ZNF644: variants seen among roughly 807,000 people sequenced by gnomAD.
The protein encoded by ZNF644 is zinc finger protein 644, also known as zinc finger motif enhancer binding protein 2.
Under a neutral mutation model 108.0 loss-of-function variants are expected in ZNF644, and 20 were observed. That is an observed-to-expected ratio of 0.19 (90% CI 0.13 to 0.27). The LOEUF (loss-of-function observed/expected upper bound fraction) is 0.27, where lower values mean the gene tolerates loss of function less well. ZNF644 is among the 10% of genes least tolerant of loss of function. The pLI, the probability that ZNF644 is intolerant of heterozygous loss-of-function variation, is 1.00. For missense variants in ZNF644, 1,338 were observed against 1,548.9 expected (o/e 0.86, Z 2.29); for synonymous variants, 542 against 539.1 (o/e 1.01, Z -0.08).
intron 2 of ZNF644, among the ~76,000 whole-genome samples, chr1:90,976,324 A>C (rs1656004741): frequency 6.6e-6 from 1 of 152,180 alleles, no homozygotes; most frequent in African/African-American, 2.4e-5. Flanking sequence ...CATCACTTGT[A>C]CTATAACTAG....
intron 1 of ZNF644, among the ~76,000 whole-genome samples, chr1:91,006,800 C>T (rs1356508270): frequency 3.3e-5 from 5 of 152,178 alleles, no homozygotes; most frequent in Admixed American, 6.5e-5. Flanking sequence ...TGGATCCCCC[C>T]TCTTTTTAGT....
chr1:90,923,577 A>G (rs1649708545), intron 4 of ZNF644, among the ~76,000 whole-genome samples: 1 of 152,182 alleles, frequency 6.6e-6, no homozygotes, highest in Non-Finnish European at 1.5e-5. Context: ...TATTTTCATC[A>G]ACATTTTCCC....
intron 1 of ZNF644, among the ~76,000 whole-genome samples, chr1:90,998,842 G>C (rs1205835395): frequency 6.6e-6 from 1 of 152,170 alleles, no homozygotes; most frequent in African/African-American, 2.4e-5. Context: ...CCAGTGTAGA[G>C]AAGTCCTTAC....
intron 2 of ZNF644, among the ~76,000 whole-genome samples, chr1:90,974,297 C>T (rs1438587833): frequency 6.6e-6 from 1 of 151,950 alleles, no homozygotes; most frequent in Non-Finnish European, 1.5e-5. Flanking sequence ...CCACTGCACT[C>T]CAGCCTGAGG....
intron 1 of ZNF644, among the ~76,000 whole-genome samples, chr1:90,984,229 CACTGAAGACAG>C (rs1230599232): frequency 2.0e-5 from 3 of 152,172 alleles, no homozygotes; most frequent in Non-Finnish European, 4.4e-5. Context: ...GAAATTAATA[CACTGAAGACAG>C]CAAGTTCTCA....
intron 2 of ZNF644, chr1:90,972,826 G>T (rs764192013): frequency 2.6e-5 from 4 of 152,162 alleles, no homozygotes; most frequent in African/African-American, 9.7e-5. Flanking sequence ...TGAATGAACC[G>T]TGAAAACATC....
intron 2 of ZNF644, among the ~76,000 whole-genome samples, chr1:90,974,877 G>A (rs961418375): frequency 9.9e-5 from 15 of 152,090 alleles, no homozygotes; most frequent in African/African-American, 2.7e-4. Context: ...TTACTCTCTC[G>A]TCTAATCTCT....
chr1:90,918,213 A>G (rs914331798), intron 4 of ZNF644, 59 bp from the exon 5 acceptor site: 3 of 1,401,226 alleles, frequency 2.1e-6, no homozygotes, highest in Non-Finnish European at 3.0e-6. Context: ...ATACATACAC[A>G]CATATTTTTC....
intron 1 of ZNF644, among the ~76,000 whole-genome samples, chr1:90,995,133 C>A (rs1658030679): frequency 6.6e-6 from 1 of 151,988 alleles, no homozygotes; most frequent in South Asian, 2.1e-4. Context: ...CTGAGTCTAC[C>A]TGAATTAATT....
intron 2 of ZNF644, among the ~76,000 whole-genome samples, chr1:90,980,446 T>C (rs1274792746): frequency 1.3e-5 from 2 of 152,294 alleles, no homozygotes; most frequent in South Asian, 2.1e-4. Context: ...TGCCGTGTTA[T>C]AAGGTTTACT....
chr1:90,982,527 T>A (rs553126664), intron 1 of ZNF644, among the ~76,000 whole-genome samples, 157 bp from the exon 2 acceptor site: 1 of 152,206 alleles, frequency 6.6e-6, no homozygotes, highest in South Asian at 2.1e-4. Flanking sequence ...TACCATCATT[T>A]TAATCTTTAG....
At position 90,943,517 on chromosome 1, in the gene ZNF644, A is replaced by G. The variant is rs558679670; in HGVS notation, c.45-2208T>C. Among the ~76,000 whole-genome samples the G allele has an allele frequency of 1.9e-4, 29 of 152,330 alleles. No homozygotes were observed. In the East Asian group the frequency reaches 2.3e-3, roughly 12 times the overall value. ...TTATAACTTAGAACAAGCACTTATA[A>G]TCTGATCTTATTCTTTCCATAAAAT... On this transcript the variant is annotated intron_variant, in intron 2 of 5. Coordinates refer to ENST00000337393, the MANE Select transcript of ZNF644 (RefSeq NM_201269.3).
At chr1:90,996,751 A>G (rs1199415624) in intron 1 of ZNF644, among the ~76,000 whole-genome samples, 1 of 152,230 alleles carries the variant, frequency 6.6e-6, no homozygotes, top group Non-Finnish European at 1.5e-5. Context: ...ACTGCACTCC[A>G]GCCTGAGCAC....
chr1:91,003,621 C>T (rs967692809), intron 1 of ZNF644, among the ~76,000 whole-genome samples: 13 of 151,566 alleles, frequency 8.6e-5, no homozygotes, highest in African/African-American at 2.4e-4. Context: ...TCATGGCACA[C>T]GTATACATAT....
At chr1:90,950,284 G>GA (rs535422035) in intron 2 of ZNF644, among the ~76,000 whole-genome samples, 5 of 43,192 alleles carry the variant, frequency 1.2e-4, no homozygotes, top group African/African-American at 4.7e-4. Context: ...CTCAAGGGAA[G>GA]GGAAGGGAAG....
At chr1:90,931,696 C>T (rs1381729449) in intron 4 of ZNF644, among the ~76,000 whole-genome samples, 1 of 152,134 alleles carries the variant, frequency 6.6e-6, no homozygotes, top group Non-Finnish European at 1.5e-5. Context: ...TCTTCCAAAT[C>T]TTCAATTCTA....
At chr1:91,005,002 T>C (rs895262184) in intron 1 of ZNF644, among the ~76,000 whole-genome samples, 3 of 152,018 alleles carry the variant, frequency 2.0e-5, no homozygotes, top group African/African-American at 7.2e-5. Context: ...GTAATTATAT[T>C]AAATGGAAAT....
intron 2 of ZNF644, among the ~76,000 whole-genome samples, chr1:90,978,377 C>T (rs1656217020): frequency 6.7e-6 from 1 of 149,566 alleles, no homozygotes; most frequent in South Asian, 2.1e-4. Context: ...AAGTGAAATA[C>T]TAAATACTAA....
intron 1 of ZNF644, among the ~76,000 whole-genome samples, chr1:91,009,455 A>G (rs773839660): frequency 7.9e-5 from 12 of 152,200 alleles, no homozygotes; most frequent in African/African-American, 1.9e-4. Flanking sequence ...TAAAAACTCT[A>G]CATTTTAAGA....
Sources: gnomAD v4.1 joint callset for allele counts (sites outside exome capture counted in the v4.1 genomes callset) on GRCh38, gnomAD v4.1.1 for gene constraint, MANE v1.5 for transcripts, NCBI Gene and HGNC (gene_info 2026-07-23, HGNC 2026-07-21) for gene names.